The following CSMD1 variants were observed in gnomAD, a reference collection of about 807,000 sequenced individuals.
The protein encoded by CSMD1 is CUB and Sushi multiple domains 1.
Under a neutral mutation model 417.5 loss-of-function variants are expected in CSMD1, and 213 were observed. The observed-to-expected ratio is 0.51, with a 90% CI of 0.46 to 0.57. CSMD1 has a LOEUF of 0.57. Ranked by LOEUF, CSMD1 falls within the 20% of genes least tolerant of loss-of-function variation. The pLI is 0.00. For missense variants in CSMD1, 6,923 were observed against 4,529.7 expected (o/e 1.53, Z -15.17); for synonymous variants, 2,862 against 1,736.8 (o/e 1.65, Z -16.11).
chr8:3,709,619 G>A lies in CSMD1; in HGVS notation c.932-1128C>T, dbSNP rs192091755. Among the ~76,000 whole-genome samples the A allele has an allele frequency of 1.2e-4, 18 of 147,320 alleles. No homozygotes were observed. In the East Asian group the frequency reaches 3.3e-3, roughly 27 times the overall value. The stretch of plus-strand genomic sequence containing the variant: ...GAAGGCCCAAATAGAACAAAAGGCT[G>A]ATCTGCCCCAGTAGAGGCAAGACTT... On this transcript the variant is annotated intron_variant, in intron 6 of 69. Coordinates refer to ENST00000635120, the MANE Select transcript of CSMD1 (RefSeq NM_033225.6).
At chr8:4,661,846 A>C (rs1370185325) in intron 1 of CSMD1, among the ~76,000 whole-genome samples, 1 of 152,224 alleles carries the variant, frequency 6.6e-6, no homozygotes, top group Non-Finnish European at 1.5e-5. Context: ...AAGTTGTAGA[A>C]TGTTAATGTT....
intron 37 of CSMD1, among the ~76,000 whole-genome samples, chr8:3,176,963 A>G (rs1425724741): frequency 6.6e-6 from 1 of 151,738 alleles, no homozygotes; most frequent in South Asian, 2.1e-4. Context: ...GTTTTTATAG[A>G]GATGAGGTTT....
chr8:4,045,496 G>A (rs1003241955), intron 3 of CSMD1, among the ~76,000 whole-genome samples: 3 of 152,174 alleles, frequency 2.0e-5, no homozygotes, highest in Non-Finnish European at 2.9e-5. Context: ...CCCAGTTGGG[G>A]GAAGACCAGA....
intron 7 of CSMD1, among the ~76,000 whole-genome samples, chr8:3,644,390 G>A (rs1428873524): frequency 6.6e-6 from 1 of 152,216 alleles, no homozygotes; most frequent in Non-Finnish European, 1.5e-5. Context: ...AGACCCTGGA[G>A]AAGCCCTGGA....
chr8:3,775,984 C>A (rs1183658748), intron 5 of CSMD1, among the ~76,000 whole-genome samples: 1 of 152,220 alleles, frequency 6.6e-6, no homozygotes, highest in Non-Finnish European at 1.5e-5. Flanking sequence ...CAGGCTTCCT[C>A]CTCAGAGCTT....
At chr8:3,299,176 G>C (rs933843068) in intron 25 of CSMD1, among the ~76,000 whole-genome samples, 1 of 152,202 alleles carries the variant, frequency 6.6e-6, no homozygotes, top group Non-Finnish European at 1.5e-5. Context: ...GTGAAGCCAG[G>C]TATGGTGGCT....
At chr8:4,922,881 C>G (rs1213879242) in intron 1 of CSMD1, among the ~76,000 whole-genome samples, 7 of 152,178 alleles carry the variant, frequency 4.6e-5, no homozygotes, top group Admixed American at 1.3e-4. Flanking sequence ...GGCATCTTCT[C>G]TAAGCCTCAA....
At chr8:4,389,309 T>A (rs189557766) in intron 3 of CSMD1, among the ~76,000 whole-genome samples, 6 of 152,296 alleles carry the variant, frequency 3.9e-5, no homozygotes, top group South Asian at 2.1e-4. Flanking sequence ...CATATAACTA[T>A]GTAATCCTTG....
chr8:4,070,047 A>C (rs1476054527), intron 3 of CSMD1, among the ~76,000 whole-genome samples: 1 of 152,020 alleles, frequency 6.6e-6, no homozygotes, highest in Non-Finnish European at 1.5e-5. Context: ...TTGGTGTTTT[A>C]ACTATACTTT....
chr8:4,812,913 T>G (rs1396931657), intron 1 of CSMD1, among the ~76,000 whole-genome samples: 1 of 152,182 alleles, frequency 6.6e-6, no homozygotes, highest in Admixed American at 6.5e-5. Flanking sequence ...TTGTATCAGT[T>G]TATAGCAACA....
intron 59 of CSMD1, 37 bp downstream of exon 59, chr8:2,965,738 T>A (rs554245892): frequency 1.3e-6 from 2 of 1,548,302 alleles, no homozygotes; most frequent in South Asian, 1.2e-5. Context: ...AAGACTTCTA[T>A]ACACATCTGT....
chr8:4,971,261 T>G (rs1229777683), intron 1 of CSMD1, among the ~76,000 whole-genome samples: 1 of 152,088 alleles, frequency 6.6e-6, no homozygotes, highest in African/African-American at 2.4e-5. Context: ...TTATTTTATA[T>G]AAGCCTCTTA....
At chr8:3,190,689 C>T (rs1187556924) in intron 33 of CSMD1, among the ~76,000 whole-genome samples, 1 of 152,310 alleles carries the variant, frequency 6.6e-6, no homozygotes, top group Non-Finnish European at 1.5e-5. Flanking sequence ...GGTACTCTCA[C>T]ATTCATTGTA....
At chr8:4,028,650 G>C (rs183445473) in intron 4 of CSMD1, among the ~76,000 whole-genome samples, 9 of 152,294 alleles carry the variant, frequency 5.9e-5, no homozygotes, top group African/African-American at 2.2e-4. Context: ...AGCCAGACTT[G>C]TGTTTGGGTC....
intron 11 of CSMD1, among the ~76,000 whole-genome samples, chr8:3,478,314 G>A (rs1458049247): frequency 6.6e-6 from 1 of 152,200 alleles, no homozygotes; most frequent in African/African-American, 2.4e-5. Context: ...GATCTAAGGG[G>A]AAAATAAAAG....
At chr8:3,072,386 G>C (rs1813380324) in intron 49 of CSMD1, among the ~76,000 whole-genome samples, 1 of 152,110 alleles carries the variant, frequency 6.6e-6, no homozygotes, top group South Asian at 2.1e-4. Context: ...CTCTAAAAAA[G>C]CATAGCTAAG....
chr8:3,830,377 G>T (rs1802306204), intron 5 of CSMD1, among the ~76,000 whole-genome samples: 1 of 152,200 alleles, frequency 6.6e-6, no homozygotes, highest in Admixed American at 6.5e-5. Context: ...TTTCCCTCAA[G>T]GAGACGTTAC....
intron 2 of CSMD1, among the ~76,000 whole-genome samples, chr8:4,421,707 C>T (rs958357243): frequency 8.6e-5 from 13 of 151,792 alleles, no homozygotes; most frequent in African/African-American, 1.7e-4. Flanking sequence ...GGTAATTAGT[C>T]GCACTAAAAA....
Position 4,485,015 on chromosome 8 carries a change from AAAAAAG to A in CSMD1, c.303-64956_303-64951del, listed in dbSNP as rs1176613148. 5.6e-4 allele frequency among the ~76,000 whole-genome samples: 76 copies of A among 135,962 alleles called. 3 individuals carry two copies. Among genetic ancestry groups the A allele is most frequent in the Admixed American group, 7.8e-4 (10 of 12,880 alleles). The allele number at this position is 135,962 out of a possible 152,430, so 89.2% of individuals were successfully genotyped here. A position where few individuals can be genotyped will look rare whatever the true frequency, so the allele number is the denominator to read the frequency against. On this transcript the variant is annotated intron_variant, in intron 2 of 69. Coordinates refer to ENST00000635120, the MANE Select transcript of CSMD1 (RefSeq NM_033225.6). ...AAAAAAAAAAAAAAAAAAAAAAAAAAAAAAAGAAAGAGTCACTATGACATATGGCTT... is the reference window on the plus strand; with the variant it reads ...AAAAAAAAAAAAAAAAAAAAAAAAAAAAAGAGTCACTATGACATATGGCTT...
Sources: gnomAD v4.1 joint callset for allele counts (sites outside exome capture counted in the v4.1 genomes callset) on GRCh38, gnomAD v4.1.1 for gene constraint, MANE v1.5 for transcripts, NCBI Gene and HGNC (gene_info 2026-07-23, HGNC 2026-07-21) for gene names.